The following RAP1GAP2 variants were observed in gnomAD, a reference collection of about 807,000 sequenced individuals.
RAP1GAP2 encodes RAP1 GTPase activating protein 2.
A neutral mutation model predicts 95.0 loss-of-function variants in RAP1GAP2; 27 were observed. The observed-to-expected ratio is 0.28, with a 90% confidence interval of 0.21 to 0.39. The LOEUF is 0.39. Among genes scored for constraint, RAP1GAP2 ranks in the 10% least tolerant of loss-of-function variants. The pLI is 1.00. For missense variants in RAP1GAP2, 771 were observed against 970.0 expected (o/e 0.79, Z 2.72); for synonymous variants, 373 against 380.9 (o/e 0.98, Z 0.24).
Position 2,796,629 on chromosome 17 carries a change from T to C in RAP1GAP2, c.44+58T>C. On this transcript the variant is annotated intron_variant, in intron 1 of 24. Coordinates refer to ENST00000254695, the MANE Select transcript of RAP1GAP2 (RefSeq NM_015085.5). This position sits in a 1 kb window ranked among gnomAD's most constrained non-coding sequence, Gnocchi z 4.7. Reference sequence around the variant, plus strand: ...GGGAGAGAACTTAGAAGTGAAGTCTTGTTAAGTGCATTGGCGGCCGTGGGA... The same window carrying C: ...GGGAGAGAACTTAGAAGTGAAGTCTCGTTAAGTGCATTGGCGGCCGTGGGA... The C allele has an allele frequency of 6.5e-7, 1 of 1,542,202 alleles. No homozygotes were observed. Among genetic ancestry groups the C allele is most frequent in the Non-Finnish European group, 8.8e-7 (1 of 1,138,380 alleles).
At position 2,820,891 on chromosome 17, in the gene RAP1GAP2, G is replaced by GTTTTTTTTTTTTTTTTTTT. The variant is rs1475267891; in HGVS notation, c.80+20341_80+20342insTTTTTTTTTTTTTTTTTTT. ...TGCCCGCCACCACGGCCCGGATAAT[G>GTTTTTTTTTTTTTTTTTTT]GTTTTTTTTTTTTTTTTTGTATTTT... On this transcript the variant is annotated intron_variant, in intron 2 of 24. Coordinates refer to ENST00000254695, the MANE Select transcript of RAP1GAP2 (RefSeq NM_015085.5). 2.9e-4 allele frequency among the ~76,000 whole-genome samples: 33 copies of GTTTTTTTTTTTTTTTTTTT among 113,994 alleles called. 2 individuals carry two copies. The highest frequency in any genetic ancestry group is 9.3e-3 in the Middle Eastern group (2 of 214). The allele number at this position is 113,994 out of a possible 152,430, so 74.8% of individuals were successfully genotyped here.
At chr17:3,006,119 TC>T (rs1567886252) in intron 16 of RAP1GAP2, 78 bp downstream of exon 16, 203 of 517,484 alleles carry the variant, frequency 3.9e-4, no homozygotes, top group Non-Finnish European at 5.8e-4. Flanking sequence ...GGCTCCTCCA[TC>T]TTTTTTTTTT....
intron 2 of RAP1GAP2, among the ~76,000 whole-genome samples, chr17:2,893,543 CAT>C (rs1170589131): frequency 6.6e-6 from 1 of 152,232 alleles, no homozygotes; most frequent in African/African-American, 2.4e-5. Context: ...CTGAATGAAT[CAT>C]AAGATGAATG....
At chr17:2,951,651 G>A (rs1483840223) in intron 3 of RAP1GAP2, among the ~76,000 whole-genome samples, 4 of 152,146 alleles carry the variant, frequency 2.6e-5, no homozygotes, top group East Asian at 1.9e-4. Flanking sequence ...CCAGGAGATC[G>A]AGACTGCAGT....
At chr17:2,915,760 T>C (rs2042548188) in intron 3 of RAP1GAP2, among the ~76,000 whole-genome samples, 1 of 152,042 alleles carries the variant, frequency 6.6e-6, no homozygotes, top group African/African-American at 2.4e-5. Context: ...TGCAGTGGCG[T>C]GATCTCGGCT....
intron 1 of RAP1GAP2, among the ~76,000 whole-genome samples, chr17:2,781,382 GTGTGCC>G (rs1234363520): frequency 6.6e-6 from 1 of 152,258 alleles, no homozygotes; most frequent in African/African-American, 2.4e-5. Flanking sequence ...GAACACTGAG[GTGTGCC>G]TGTGCATGTG....
intron 3 of RAP1GAP2, 25 bp downstream of exon 3, chr17:2,905,393 C>A: frequency 1.2e-6 from 2 of 1,607,676 alleles, no homozygotes; most frequent in East Asian, 4.5e-5. Context: ...TTCAGGAAGG[C>A]AGGGAGGGGA....
At chr17:3,017,633 G>C (rs2046812852) in intron 17 of RAP1GAP2, among the ~76,000 whole-genome samples, 1 of 152,216 alleles carries the variant, frequency 6.6e-6, no homozygotes. Flanking sequence ...ACGATGCTGG[G>C]TGTGAAACAT....
At chr17:3,010,201 G>A (rs1272205154) in intron 17 of RAP1GAP2, among the ~76,000 whole-genome samples, 4 of 151,888 alleles carry the variant, frequency 2.6e-5, no homozygotes, top group Admixed American at 6.6e-5. Context: ...TTAGCCGGGC[G>A]TGGTGACGTG....
At chr17:2,951,360 A>G (rs753213603) in intron 3 of RAP1GAP2, among the ~76,000 whole-genome samples, 2 of 152,192 alleles carry the variant, frequency 1.3e-5, no homozygotes, top group Non-Finnish European at 2.9e-5. Context: ...GTGTCTTGCA[A>G]AAAGCCTTCG....
At chr17:2,834,634 A>C (rs755968975) in intron 2 of RAP1GAP2, among the ~76,000 whole-genome samples, 12 of 152,098 alleles carry the variant, frequency 7.9e-5, no homozygotes, top group Non-Finnish European at 1.8e-4. Flanking sequence ...CCATCTCTAC[A>C]AAAAATACAA....
rs1422421253 is a variant in RAP1GAP2 at position 3,034,390 on chromosome 17, C to A, written c.*1029C>A. 8.2e-6 allele frequency: 2 copies of A among 242,610 alleles called. No homozygotes were observed. The highest frequency in any genetic ancestry group is 3.6e-5 in the South Asian group (1 of 27,718). 15.0% of individuals were successfully genotyped at this position (242,610 alleles called of 1,614,324 possible). On this transcript the variant is annotated 3_prime_UTR_variant, in exon 25 of 25. Coordinates refer to ENST00000254695, the MANE Select transcript of RAP1GAP2 (RefSeq NM_015085.5). The surrounding 1 kb of genome is among the most constrained non-coding windows in gnomAD (Gnocchi z 5.1). ...TCGTTATCTCCCCTCCCCACTTACTCGAGGAGAGAGGTGAGGGGGGGATGA... is the reference window on the plus strand; with the variant it reads ...TCGTTATCTCCCCTCCCCACTTACTAGAGGAGAGAGGTGAGGGGGGGATGA...
At chr17:2,905,409 T>TG in intron 3 of RAP1GAP2, 41 bp downstream of exon 3, 1 of 1,595,170 alleles carries the variant, frequency 6.3e-7, no homozygotes, top group Non-Finnish European at 8.6e-7. Context: ...GGGGAGAGTG[T>TG]GGGGAAGTTG....
chr17:2,812,509 C>T (rs1018165950), intron 2 of RAP1GAP2, among the ~76,000 whole-genome samples: 6 of 152,160 alleles, frequency 3.9e-5, no homozygotes, highest in African/African-American at 1.4e-4. Context: ...CGAAGGCAGA[C>T]CTTGATAGTG....
At chr17:2,885,201 T>G (rs970405507) in intron 2 of RAP1GAP2, among the ~76,000 whole-genome samples, 1 of 151,998 alleles carries the variant, frequency 6.6e-6, no homozygotes, top group Admixed American at 6.6e-5. Context: ...CCTGACTAAT[T>G]TTTTGTATTT....
intron 3 of RAP1GAP2, among the ~76,000 whole-genome samples, chr17:2,919,719 T>A (rs974441850): frequency 6.6e-6 from 1 of 152,224 alleles, no homozygotes; most frequent in Non-Finnish European, 1.5e-5. Flanking sequence ...TTTTTCTTTT[T>A]TGAGACGGAG....
chr17:2,875,944 G>T lies in RAP1GAP2; in HGVS notation c.81-29340G>T, dbSNP rs530709880. 2.8e-3 allele frequency among the ~76,000 whole-genome samples: 404 copies of T among 145,096 alleles called. 1 individual carries two copies. The highest frequency in any genetic ancestry group is 9.2e-3 in the African/African-American group (365 of 39,586). On this transcript the variant is annotated intron_variant, in intron 2 of 24. Transcript: ENST00000254695. ...TGCATTGTTTTTTGTTTGTTTGTTT[G>T]TTTTTTTTTTTGAGATGGAATCTGG... is the stretch of plus-strand genomic sequence containing the variant.
At chr17:2,874,780 G>A (rs7219575) in intron 2 of RAP1GAP2, among the ~76,000 whole-genome samples, 5 of 152,138 alleles carry the variant, frequency 3.3e-5, no homozygotes, top group Admixed American at 3.3e-4. Flanking sequence ...CTGTATAGCA[G>A]AAGTTCTTGA....
intron 12 of RAP1GAP2, among the ~76,000 whole-genome samples, chr17:2,993,474 G>A (rs2045844665): frequency 1.3e-5 from 2 of 152,036 alleles, no homozygotes; most frequent in South Asian, 4.1e-4. Context: ...TTGGGAGGCT[G>A]AGGCAGGAGA....
Sources: allele counts gnomAD v4.1 joint callset (sites outside exome capture counted in the v4.1 genomes callset), GRCh38; gene constraint gnomAD v4.1.1; non-coding constraint Gnocchi (gnomAD v3.1); transcripts MANE v1.5; gene names NCBI Gene and HGNC (gene_info 2026-07-23, HGNC 2026-07-21).